The following SLC44A5 variants were observed in gnomAD, a reference collection of about 807,000 sequenced individuals.
The protein encoded by SLC44A5 is choline transporter-like protein 5.
A neutral mutation model predicts 101.8 loss-of-function variants in SLC44A5; 57 were observed. That is an observed-to-expected ratio of 0.56 (90% CI 0.45 to 0.70). The LOEUF (loss-of-function observed/expected upper bound fraction) is 0.70. Among genes scored for constraint, SLC44A5 ranks in the 30% least tolerant of loss-of-function variants. The pLI is 0.00. For synonymous variants in SLC44A5, 281 were observed against 290.9 expected, an observed-to-expected ratio of 0.97 and a Z score of 0.35; for missense variants, 737 against 853.1, an observed-to-expected ratio of 0.86 and a Z score of 1.70.
intron 2 of SLC44A5, among the ~76,000 whole-genome samples, chr1:75,481,498 C>T (rs1162405873): frequency 6.6e-6 from 1 of 151,436 alleles, no homozygotes; most frequent in Non-Finnish European, 1.5e-5. Flanking sequence ...TTTTCACAAC[C>T]TACTCATCTG....
intron 2 of SLC44A5, among the ~76,000 whole-genome samples, chr1:75,472,281 A>C (rs1049635180): frequency 6.6e-6 from 1 of 152,158 alleles, no homozygotes; most frequent in Non-Finnish European, 1.5e-5. Context: ...TGATTCAGTC[A>C]TGAGTATCAA....
intron 2 of SLC44A5, among the ~76,000 whole-genome samples, chr1:75,537,095 C>T (rs1671097486): frequency 7.0e-6 from 1 of 141,944 alleles, no homozygotes; most frequent in Non-Finnish European, 1.5e-5. Flanking sequence ...AGTAACATGC[C>T]AGTGTCTTAT....
chr1:75,613,042 T>A (rs1675723930), upstream of SLC44A5, among the ~76,000 whole-genome samples: 1 of 152,232 alleles, frequency 6.6e-6, no homozygotes, highest in African/African-American at 2.4e-5. Flanking sequence ...CTTCTATCAA[T>A]GTTAAGAAAC....
intron 6 of SLC44A5, among the ~76,000 whole-genome samples, chr1:75,256,594 T>A (rs1650039804): frequency 6.6e-6 from 1 of 152,162 alleles, no homozygotes; most frequent in Admixed American, 6.5e-5. Context: ...AACCTACCAA[T>A]ACATCATGCA....
At chr1:75,675,526 T>C in the SLC44A5 span, among the ~76,000 whole-genome samples, 5 of 152,108 alleles carry the variant, frequency 3.3e-5, no homozygotes, top group Non-Finnish European at 4.4e-5. Context: ...AGACGATCAC[T>C]CCCTTACACC....
chr1:75,316,258 T>G (rs565138431), intron 4 of SLC44A5, among the ~76,000 whole-genome samples: 60 of 152,360 alleles, frequency 3.9e-4, no homozygotes, highest in African/African-American at 1.4e-3. Flanking sequence ...CATATGCATT[T>G]GATGTATTTT....
chr1:75,665,773 C>A, the SLC44A5 span, among the ~76,000 whole-genome samples: 55 of 152,026 alleles, frequency 3.6e-4, no homozygotes, highest in African/African-American at 1.3e-3. Context: ...ATTCAACAAG[C>A]AAAAATAAAT....
chr1:75,241,025 T>A (rs1648578060), intron 9 of SLC44A5, among the ~76,000 whole-genome samples: 1 of 152,026 alleles, frequency 6.6e-6, no homozygotes, highest in African/African-American at 2.4e-5. Flanking sequence ...ATTCTAATAG[T>A]TATATTTAAT....
intron 10 of SLC44A5, among the ~76,000 whole-genome samples, chr1:75,237,579 C>T (rs559314630): frequency 2.0e-5 from 3 of 152,154 alleles, no homozygotes; most frequent in South Asian, 4.1e-4. Flanking sequence ...GCCCCAATTG[C>T]AACACCTCTC....
At chr1:75,237,204 G>T (rs1570436723) in intron 10 of SLC44A5, 134 bp from the exon 11 acceptor site, 36 of 537,398 alleles carry the variant, frequency 6.7e-5, no homozygotes. Flanking sequence ...AGTAGTGACT[G>T]TTTTCCTAGC....
intron 3 of SLC44A5, among the ~76,000 whole-genome samples, chr1:75,373,904 C>A (rs1300477707): frequency 6.6e-6 from 1 of 152,192 alleles, no homozygotes; most frequent in Non-Finnish European, 1.5e-5. Context: ...AAGCTGAGAT[C>A]TGTGGCCTGA....
intron 4 of SLC44A5, among the ~76,000 whole-genome samples, chr1:75,305,660 A>C (rs1654842290): frequency 6.6e-6 from 1 of 151,812 alleles, no homozygotes; most frequent in Non-Finnish European, 1.5e-5. Flanking sequence ...GCACCTCTAG[A>C]CTCCCCCTCC....
rs559790976 is a variant in SLC44A5 at position 75,523,983 on chromosome 1, C to T, written c.13+17452G>A. On this transcript the variant is annotated intron_variant, in intron 2 of 23. Coordinates refer to ENST00000370859, the MANE Select transcript of SLC44A5 (RefSeq NM_001130058.2). ...TTGAAATCAGATAAATCTGTTAAGACCAATTGATGACATTCTACTTATTTA... is the reference window on the plus strand; with the variant it reads ...TTGAAATCAGATAAATCTGTTAAGATCAATTGATGACATTCTACTTATTTA... Among the ~76,000 whole-genome samples the T allele has an allele frequency of 1.9e-4, 29 of 152,336 alleles. No individual in the cohort carries two copies. The South Asian group carries it at 5.8e-3, about 30-fold the overall frequency.
At chr1:75,303,084 A>T (rs189134963) in intron 4 of SLC44A5, among the ~76,000 whole-genome samples, 3 of 152,348 alleles carry the variant, frequency 2.0e-5, no homozygotes, top group African/African-American at 7.2e-5. Flanking sequence ...ACTCTATGTT[A>T]CATACTATTA....
chr1:75,423,026 G>C, intron 2 of SLC44A5, among the ~76,000 whole-genome samples: 1 of 152,044 alleles, frequency 6.6e-6, no homozygotes, highest in East Asian at 1.9e-4. Flanking sequence ...AATTCCCAAG[G>C]CTTAAGCTAG....
intron 2 of SLC44A5, among the ~76,000 whole-genome samples, chr1:75,417,776 G>A (rs1557764450): frequency 1.3e-5 from 2 of 152,212 alleles, no homozygotes; most frequent in African/African-American, 2.4e-5. Context: ...AAGAAGGGCA[G>A]AGAGCCAAAG....
the SLC44A5 span, among the ~76,000 whole-genome samples, chr1:75,650,020 G>A: frequency 9.1e-3 from 1,383 of 152,256 alleles, 8 homozygotes; most frequent in Middle Eastern, 0.02. Flanking sequence ...CAGCAGCAGA[G>A]ATTCTTTCTT....
intron 5 of SLC44A5, 97 bp from the exon 6 acceptor site, chr1:75,275,139 C>CCTG: frequency 1.3e-6 from 1 of 772,196 alleles, no homozygotes; most frequent in Non-Finnish European, 2.2e-6. Flanking sequence ...ACACACTAAC[C>CCTG]TCTCCCCTCA....
chr1:75,668,973 T>C, the SLC44A5 span, among the ~76,000 whole-genome samples: 2 of 151,242 alleles, frequency 1.3e-5, no homozygotes, highest in Non-Finnish European at 2.9e-5. Context: ...GCCACCGAAC[T>C]ACAGTCTAGG....
Sources: allele counts gnomAD v4.1 joint callset (sites outside exome capture counted in the v4.1 genomes callset), GRCh38; gene constraint gnomAD v4.1.1; transcripts MANE v1.5; gene names NCBI Gene and HGNC (gene_info 2026-07-23, HGNC 2026-07-21).